Variants in NAV2 observed in about 807,000 individuals in gnomAD.
NAV2 encodes the protein neuron navigator 2.
In NAV2, 54 loss-of-function variants were observed where a neutral mutation model predicts 223.2. The observed-to-expected ratio is 0.24, with a 90% CI of 0.19 to 0.30. NAV2 has a LOEUF of 0.30. Ranked by LOEUF, NAV2 falls within the 10% of genes least tolerant of loss-of-function variation. The pLI, the probability that NAV2 is intolerant of heterozygous loss-of-function variation, is 1.00. For missense variants in NAV2, 2,806 were observed against 3,147.5 expected (o/e 0.89, Z 2.60); for synonymous variants, 1,279 against 1,239.3 (o/e 1.03, Z -0.67).
At chr11:19,732,828 G>A (rs2051925960) in intron 1 of NAV2, among the ~76,000 whole-genome samples, 2 of 152,210 alleles carry the variant, frequency 1.3e-5, no homozygotes, top group Non-Finnish European at 2.9e-5. Context: ...CAGGGAGAAA[G>A]AGCATCCTTT....
intron 11 of NAV2, among the ~76,000 whole-genome samples, chr11:20,010,470 C>G (rs1376905001): frequency 6.6e-6 from 1 of 152,154 alleles, no homozygotes; most frequent in African/African-American, 2.4e-5. Flanking sequence ...CTGTGCCATC[C>G]AGATGCATTT....
intron 1 of NAV2, among the ~76,000 whole-genome samples, chr11:19,469,360 G>C (rs1325106050): frequency 6.6e-6 from 1 of 152,220 alleles, no homozygotes; most frequent in Non-Finnish European, 1.5e-5. Flanking sequence ...AAGAGGTGGA[G>C]AATAGCAAGG....
chr11:19,718,245 A>C (rs1207517546), intron 1 of NAV2, among the ~76,000 whole-genome samples: 1 of 152,268 alleles, frequency 6.6e-6, no homozygotes, highest in Admixed American at 6.5e-5. Flanking sequence ...GTGTTTGTTC[A>C]GAAACTCTCT....
intron 1 of NAV2, among the ~76,000 whole-genome samples, chr11:19,390,588 A>G (rs1191399590): frequency 6.6e-6 from 1 of 152,218 alleles, no homozygotes; most frequent in Admixed American, 6.5e-5. Context: ...GGAATGAAAC[A>G]TCAAACCAAA....
chr11:19,625,049 A>G (rs2047125039), intron 1 of NAV2, among the ~76,000 whole-genome samples: 2 of 152,222 alleles, frequency 1.3e-5, no homozygotes, highest in African/African-American at 4.8e-5. Flanking sequence ...TCAAACATTT[A>G]TCATTTCCTT....
intron 1 of NAV2, among the ~76,000 whole-genome samples, chr11:19,660,799 A>C (rs1358981813): frequency 6.6e-6 from 1 of 151,984 alleles, no homozygotes; most frequent in African/African-American, 2.4e-5. Flanking sequence ...GCATGCCCCC[A>C]GTCGAGAATG....
At chr11:20,107,890 CA>C in intron 36 of NAV2, 108 bp downstream of exon 36, 6 of 772,420 alleles carry the variant, frequency 7.8e-6, no homozygotes, top group South Asian at 1.6e-5. Context: ...CATGGGGTGA[CA>C]ACCCCTCACC....
chr11:19,375,073 T>G (rs1848597590), intron 1 of NAV2, among the ~76,000 whole-genome samples: 1 of 152,244 alleles, frequency 6.6e-6, no homozygotes, highest in Non-Finnish European at 1.5e-5. Context: ...TGGAAGCTCC[T>G]TCTCGACAAT....
intron 1 of NAV2, among the ~76,000 whole-genome samples, chr11:19,826,245 G>A (rs2059635680): frequency 6.6e-6 from 1 of 152,216 alleles, no homozygotes. Flanking sequence ...AAACCAGGAT[G>A]AAGAATCAAT....
intron 1 of NAV2, among the ~76,000 whole-genome samples, chr11:19,727,339 G>A (rs977836666): frequency 2.0e-5 from 3 of 152,206 alleles, no homozygotes; most frequent in South Asian, 4.1e-4. Context: ...GCAAAGACAG[G>A]TCAGCTATTC....
chr11:19,818,797 C>G (rs2059235956), intron 1 of NAV2, among the ~76,000 whole-genome samples: 1 of 152,290 alleles, frequency 6.6e-6, no homozygotes, highest in East Asian at 1.9e-4. Flanking sequence ...TGCTGTGGGC[C>G]TTTTGCTATG....
chr11:19,519,515 AC>A, intron 1 of NAV2, among the ~76,000 whole-genome samples: 1 of 152,262 alleles, frequency 6.6e-6, no homozygotes, highest in Middle Eastern at 3.4e-3. Context: ...CAGGGTTTGA[AC>A]CCTGATGATG....
rs777116246 is a variant in NAV2, at chr11:19,991,423, C to G, written c.2768+7176C>G. Among the ~76,000 whole-genome samples the G allele has an allele frequency of 2.6e-5, 4 of 152,152 alleles. 1 individual carries two copies. The highest frequency in any genetic ancestry group is 2.0e-4 in the Admixed American group (3 of 15,286). On this transcript the variant is annotated intron_variant, in intron 11 of 37. Coordinates refer to ENST00000349880, the MANE Select transcript of NAV2 (RefSeq NM_145117.5). ...TACAGGTGTGAGCCACTGTGCCAAGCCTCCAAGATAAATACTCTAATTCTT... is the reference window on the plus strand; with the variant it reads ...TACAGGTGTGAGCCACTGTGCCAAGGCTCCAAGATAAATACTCTAATTCTT...
chr11:19,735,137 A>C (rs2152432153), intron 1 of NAV2, among the ~76,000 whole-genome samples: 1 of 152,330 alleles, frequency 6.6e-6, no homozygotes, highest in South Asian at 2.1e-4. Context: ...GTAGGTACTC[A>C]CTAAATATAA....
At chr11:19,519,261 C>G (rs75899595) in intron 1 of NAV2, among the ~76,000 whole-genome samples, 1 of 152,212 alleles carries the variant, frequency 6.6e-6, no homozygotes, top group Admixed American at 6.5e-5. Context: ...TCAGGGCAGG[C>G]TTCCCAGGTG....
At chr11:19,378,746 A>G (rs1361706186) in intron 1 of NAV2, among the ~76,000 whole-genome samples, 1 of 152,182 alleles carries the variant, frequency 6.6e-6, no homozygotes, top group Non-Finnish European at 1.5e-5. Context: ...CTCTGAAAGA[A>G]TAGCTGATCA....
chr11:19,488,624 C>G (rs1013511062), intron 1 of NAV2, among the ~76,000 whole-genome samples: 6 of 152,114 alleles, frequency 3.9e-5, no homozygotes, highest in Admixed American at 2.0e-4. Context: ...GATCGTAATA[C>G]TTATTCCACA....
chr11:19,690,119 C>T (rs541636715), intron 1 of NAV2, among the ~76,000 whole-genome samples: 7 of 152,200 alleles, frequency 4.6e-5, no homozygotes, highest in East Asian at 1.9e-4. Flanking sequence ...TACACCAACA[C>T]GGCCGGCTAA....
chr11:19,579,474 A>T (rs941506246), intron 1 of NAV2, among the ~76,000 whole-genome samples: 1 of 152,136 alleles, frequency 6.6e-6, no homozygotes, highest in African/African-American at 2.4e-5. Context: ...CATGGGTGGC[A>T]GCTGATTATA....
Sources: gnomAD v4.1 joint callset for allele counts (sites outside exome capture counted in the v4.1 genomes callset) on GRCh38, gnomAD v4.1.1 for gene constraint, MANE v1.5 for transcripts, NCBI Gene and HGNC (gene_info 2026-07-23, HGNC 2026-07-21) for gene names.